PRKAG2: variants seen among roughly 807,000 people sequenced by gnomAD.
PRKAG2 encodes 5'-AMP-activated protein kinase subunit gamma-2.
A neutral mutation model predicts 69.6 loss-of-function variants in PRKAG2; 26 were observed. The ratio of observed to expected loss-of-function variants is 0.37; its 90% CI spans 0.27 to 0.52. The LOEUF is 0.52. PRKAG2 is among the 20% of genes least tolerant of loss of function. The probability of loss-of-function intolerance (pLI) is 0.90; values close to 1 mark genes in which losing one functional copy is unlikely to be tolerated. For synonymous variants in PRKAG2, 293 were observed against 285.0 expected, an observed-to-expected ratio of 1.03 and a Z score of -0.28; for missense variants, 557 against 740.0, an observed-to-expected ratio of 0.75 and a Z score of 2.87.
chr7:151,716,452 C>T (rs1202607497), intron 3 of PRKAG2, among the ~76,000 whole-genome samples: 5 of 152,326 alleles, frequency 3.3e-5, no homozygotes, highest in African/African-American at 1.2e-4. Context: ...GCAAGCCCAC[C>T]TTGTCCAGGC....
At chr7:151,775,350 G>A (rs762956388) in intron 3 of PRKAG2, among the ~76,000 whole-genome samples, 16 of 152,184 alleles carry the variant, frequency 1.1e-4, no homozygotes, top group Non-Finnish European at 2.2e-4. Flanking sequence ...TAAATGGAGA[G>A]AGACACAGAC....
intron 3 of PRKAG2, among the ~76,000 whole-genome samples, chr7:151,758,348 C>T (rs2075224619): frequency 6.6e-6 from 1 of 152,192 alleles, no homozygotes; most frequent in Non-Finnish European, 1.5e-5. Flanking sequence ...AAGACAGTCG[C>T]TTCCAAAAAG....
At chr7:151,804,603 A>G (rs2078010212) in intron 1 of PRKAG2, among the ~76,000 whole-genome samples, 2 of 152,200 alleles carry the variant, frequency 1.3e-5, no homozygotes, top group South Asian at 4.1e-4. Flanking sequence ...TCTCCTAACT[A>G]TGATGTAGGA....
intron 1 of PRKAG2, among the ~76,000 whole-genome samples, chr7:151,853,185 T>C (rs2151897346): frequency 6.6e-6 from 1 of 152,246 alleles, no homozygotes; most frequent in African/African-American, 2.4e-5. Flanking sequence ...CAACAAGGAC[T>C]GGATGCGTGA....
intron 6 of PRKAG2, among the ~76,000 whole-genome samples, chr7:151,587,708 C>T (rs796530241): frequency 1.6e-4 from 25 of 152,150 alleles, no homozygotes; most frequent in African/African-American, 5.3e-4. Flanking sequence ...TCAAAACCGT[C>T]AAGGTGTCAA....
At chr7:151,819,173 T>G (rs34388354) in intron 1 of PRKAG2, among the ~76,000 whole-genome samples, 28,785 of 152,122 alleles carry the variant, frequency 0.19, 2,857 homozygotes, top group South Asian at 0.26. Context: ...CTATTGGTCT[T>G]CATCCTCCAC....
intron 9 of PRKAG2, among the ~76,000 whole-genome samples, chr7:151,570,776 CT>C (rs1210062588): frequency 1.3e-5 from 2 of 151,320 alleles, no homozygotes; most frequent in Admixed American, 6.6e-5. Flanking sequence ...TCCAAGGTTT[CT>C]TTTTTTTTCT....
intron 3 of PRKAG2, among the ~76,000 whole-genome samples, chr7:151,705,196 T>C (rs1024462956): frequency 6.6e-6 from 1 of 152,310 alleles, no homozygotes; most frequent in East Asian, 1.9e-4. Flanking sequence ...GGATAAAATG[T>C]TCAGGTTATC....
chr7:151,623,746 T>A (rs563428164), intron 5 of PRKAG2, among the ~76,000 whole-genome samples: 1 of 152,172 alleles, frequency 6.6e-6, no homozygotes, highest in South Asian at 2.1e-4. Flanking sequence ...GACTCTAAGG[T>A]GAATCTGACT....
chr7:151,676,966 G>A (rs1480672963), intron 3 of PRKAG2, among the ~76,000 whole-genome samples: 2 of 152,210 alleles, frequency 1.3e-5, no homozygotes, highest in African/African-American at 2.4e-5. Flanking sequence ...AAGCCAGGGC[G>A]AGGCAAAGAG....
intron 8 of PRKAG2, 76 bp from the exon 9 acceptor site, chr7:151,572,785 A>G: frequency 1.1e-6 from 1 of 941,016 alleles, no homozygotes; most frequent in Non-Finnish European, 1.6e-6. Flanking sequence ...GAAACAAAAC[A>G]TAGCTTGGAT....
At position 151,595,351 on chromosome 7, in the gene PRKAG2, T is replaced by A. The variant is rs763018098; in HGVS notation, c.858A>T (p.Thr286=). ...GAAAATGGAGTACACTTACTTGTAA[T>A]GTAGTATCAAAGACAACAAGCTTTG... The part of the protein sequence containing the change: ...TSSKLVVFDT[T]LQVKKAFFAL... The change falls in exon 6 of 16, where the codon ACA becomes ACT. Residue 286 remains threonine, a synonymous_variant. Transcript: ENST00000287878. 3.1e-6 allele frequency: 5 copies of A among 1,609,404 alleles called. 1 individual carries two copies. Among genetic ancestry groups the A allele is most frequent in the Non-Finnish European group, 1.7e-6 (2 of 1,175,918 alleles).
intron 1 of PRKAG2, among the ~76,000 whole-genome samples, chr7:151,846,949 A>G (rs964760836): frequency 1.3e-5 from 2 of 152,346 alleles, no homozygotes; most frequent in Middle Eastern, 3.4e-3. Context: ...CACAAATGTG[A>G]GTCCTCATCT....
At chr7:151,745,961 G>A (rs1201388913) in intron 3 of PRKAG2, among the ~76,000 whole-genome samples, 5 of 152,228 alleles carry the variant, frequency 3.3e-5, no homozygotes, top group African/African-American at 1.2e-4. Flanking sequence ...CAGCTGCTCC[G>A]TGGCGCAGAA....
chr7:151,840,541 C>T (rs992533954), intron 1 of PRKAG2, among the ~76,000 whole-genome samples: 19 of 152,328 alleles, frequency 1.2e-4, no homozygotes, highest in African/African-American at 4.6e-4. Context: ...GAGGCCCCAA[C>T]CTGCAGTCCT....
rs144919602 is a variant in PRKAG2, at chr7:151,692,660, T to C, written c.467-17023A>G. ...TGCCCTAACATGAGTTCGGGGGGGTTGTCTCTGCAATGGGGGAAGCAGGTG... is the reference window on the plus strand; with the variant it reads ...TGCCCTAACATGAGTTCGGGGGGGTCGTCTCTGCAATGGGGGAAGCAGGTG... On this transcript the variant is annotated intron_variant, in intron 3 of 15. Transcript: ENST00000287878. Among the ~76,000 whole-genome samples, 1,372 of 152,256 alleles carry C rather than the reference T, an allele frequency of 9.0e-3. 11 individuals are homozygous for C. The highest frequency in any genetic ancestry group is 0.018 in the Admixed American group (276 of 15,288).
intron 3 of PRKAG2, among the ~76,000 whole-genome samples, chr7:151,760,500 A>C (rs774845502): frequency 6.6e-6 from 1 of 152,132 alleles, no homozygotes; most frequent in Non-Finnish European, 1.5e-5. Flanking sequence ...TGGCCTCCCA[A>C]AGTGCTGGGA....
intron 4 of PRKAG2, among the ~76,000 whole-genome samples, chr7:151,641,215 T>A (rs73479899): frequency 0.025 from 3,840 of 151,636 alleles, 161 homozygotes; most frequent in African/African-American, 0.088. Flanking sequence ...CACCCTACAA[T>A]TTCAGCTTTT....
At chr7:151,568,940 T>C (rs1806897103) in intron 10 of PRKAG2, 98 bp from the exon 11 acceptor site, 12 of 1,367,974 alleles carry the variant, frequency 8.8e-6, no homozygotes, top group Admixed American at 1.7e-5. Flanking sequence ...GTTTTTATTA[T>C]TGCAATAATA....
Sources: gnomAD v4.1 joint callset for allele counts (sites outside exome capture counted in the v4.1 genomes callset) on GRCh38, gnomAD v4.1.1 for gene constraint, MANE v1.5 for transcripts, NCBI Gene and HGNC (gene_info 2026-07-23, HGNC 2026-07-21) for gene names.